CAMKMT: variants seen among roughly 807,000 people sequenced by gnomAD.
CAMKMT encodes calmodulin-lysine N-methyltransferase, also known as CaM KMT.
Under a neutral mutation model 48.0 loss-of-function variants are expected in CAMKMT, and 53 were observed. That is an observed-to-expected ratio of 1.10 (90% CI 0.89 to 1.39). The LOEUF (loss-of-function observed/expected upper bound fraction) is 1.39, where lower values mean the gene tolerates loss of function less well. Among genes scored for constraint, CAMKMT ranks in the 40% most tolerant of loss-of-function variants. CAMKMT has a pLI of 0.00. For missense variants in CAMKMT, 428 were observed against 402.7 expected (o/e 1.06, Z -0.54); for synonymous variants, 165 against 152.3 (o/e 1.08, Z -0.61).
At position 44,480,877 on chromosome 2, in the gene CAMKMT, A is replaced by G. The variant is rs1668932935; in HGVS notation, c.376+90572A>G. 3.3e-5 allele frequency among the ~76,000 whole-genome samples: 5 copies of G among 152,278 alleles called. No individual in the cohort carries two copies. The South Asian group carries it at 6.2e-4, about 19-fold the overall frequency. ...ACATACATATTTATATGTATTATAC[A>G]TATCATACATAGAGATGCATATATA... is the stretch of plus-strand genomic sequence containing the variant. On this transcript the variant is annotated intron_variant, in intron 3 of 10. Coordinates refer to ENST00000378494, the MANE Select transcript of CAMKMT (RefSeq NM_024766.5).
intron 7 of CAMKMT, among the ~76,000 whole-genome samples, chr2:44,739,041 T>C (rs1030250896): frequency 6.6e-6 from 1 of 151,168 alleles, no homozygotes; most frequent in African/African-American, 2.4e-5. Context: ...AGGAGGAGAG[T>C]AATAGTAGAT....
intron 3 of CAMKMT, among the ~76,000 whole-genome samples, chr2:44,535,470 A>G (rs1249668615): frequency 1.3e-5 from 2 of 152,230 alleles, no homozygotes; most frequent in African/African-American, 2.4e-5. Flanking sequence ...TCTGATGAAC[A>G]TAGGTGCAAA....
chr2:44,429,807 CAAAAAAAAA>C (rs1168195679), intron 3 of CAMKMT, among the ~76,000 whole-genome samples: 1 of 64,738 alleles, frequency 1.5e-5, no homozygotes, highest in Admixed American at 2.3e-4. Flanking sequence ...GACTCCGTCT[CAAAAAAAAA>C]AAAAAAAAAA....
chr2:44,587,514 C>T (rs1034109560), intron 3 of CAMKMT, among the ~76,000 whole-genome samples: 1 of 146,238 alleles, frequency 6.8e-6, no homozygotes, highest in South Asian at 2.3e-4. Flanking sequence ...CACGGTCTCC[C>T]TCTGATGCCG....
chr2:44,465,725 C>G (rs555490766), intron 3 of CAMKMT, among the ~76,000 whole-genome samples: 6 of 152,124 alleles, frequency 3.9e-5, no homozygotes, highest in African/African-American at 1.4e-4. Context: ...ACTTTAAACT[C>G]CTTAATCAAA....
intron 7 of CAMKMT, among the ~76,000 whole-genome samples, chr2:44,733,763 C>T (rs1331081558): frequency 6.6e-6 from 1 of 151,946 alleles, no homozygotes; most frequent in Non-Finnish European, 1.5e-5. Context: ...AATGTTAAAC[C>T]AACCTTCTTA....
At chr2:44,661,435 C>T (rs1226902340) in intron 3 of CAMKMT, among the ~76,000 whole-genome samples, 1 of 151,308 alleles carries the variant, frequency 6.6e-6, no homozygotes, top group Non-Finnish European at 1.5e-5. Context: ...CCCATCTCAG[C>T]CTCCTTAGCA....
chr2:44,539,000 G>GTA (rs1666941983), intron 3 of CAMKMT, among the ~76,000 whole-genome samples: 2 of 115,692 alleles, frequency 1.7e-5, no homozygotes, highest in Admixed American at 9.1e-5. Context: ...GTGTGTGTGT[G>GTA]TGTATGTATA....
rs1004402206 is a variant in CAMKMT at position 44,766,519 on chromosome 2, A to T, written c.852A>T (p.Arg284Ser). ...LAEKAGFCIQ[R>S]HENYDEHISN... ...AAAAAGCTGGTTTCTGTATCCAAAG[A>T]CATGAAAATTATGATGAACACATTT... The change falls in exon 10 of 11, where the codon AGA becomes AGT. Residue 284 changes from arginine to serine, a missense_variant. Arg to Ser is a moderately radical substitution (Grantham distance 110). Transcript: ENST00000378494. 6.2e-7 allele frequency: 1 copy of T among 1,614,192 alleles called. No individual in the cohort carries two copies. Among genetic ancestry groups the T allele is most frequent in the African/African-American group, 1.3e-5 (1 of 75,072 alleles).
intron 3 of CAMKMT, among the ~76,000 whole-genome samples, chr2:44,634,323 A>T (rs373386823): frequency 6.6e-6 from 1 of 151,452 alleles, no homozygotes; most frequent in Non-Finnish European, 1.5e-5. Context: ...GCTTGTAGTG[A>T]TCTTAAGTCT....
At chr2:44,626,151 T>C (rs1161345353) in intron 3 of CAMKMT, among the ~76,000 whole-genome samples, 1 of 152,190 alleles carries the variant, frequency 6.6e-6, no homozygotes, top group African/African-American at 2.4e-5. Context: ...TTTTGATCCA[T>C]AATAATGATA....
At chr2:44,439,650 A>C (rs1052576688) in intron 3 of CAMKMT, among the ~76,000 whole-genome samples, 2 of 152,036 alleles carry the variant, frequency 1.3e-5, no homozygotes, top group African/African-American at 4.8e-5. Flanking sequence ...CATCCTGGCT[A>C]ACACGGTGAA....
chr2:44,402,592 A>G (rs1233578244), intron 3 of CAMKMT, among the ~76,000 whole-genome samples: 2 of 151,770 alleles, frequency 1.3e-5, no homozygotes, highest in Non-Finnish European at 2.9e-5. Flanking sequence ...TTAGAAAGTC[A>G]TATTTTTCAG....
At chr2:44,440,013 C>G (rs991330415) in intron 3 of CAMKMT, among the ~76,000 whole-genome samples, 11 of 152,310 alleles carry the variant, frequency 7.2e-5, no homozygotes, top group Non-Finnish European at 1.6e-4. Context: ...TCTTTTCTGA[C>G]AGTGCCTCCA....
chr2:44,430,388 A>T (rs75134701), intron 3 of CAMKMT, among the ~76,000 whole-genome samples: 3 of 151,716 alleles, frequency 2.0e-5, no homozygotes, highest in Admixed American at 6.6e-5. Context: ...TTCATGTGTG[A>T]TGAAGTGAAA....
intron 3 of CAMKMT, among the ~76,000 whole-genome samples, chr2:44,509,383 C>T (rs1670424094): frequency 6.6e-6 from 1 of 151,954 alleles, no homozygotes; most frequent in Non-Finnish European, 1.5e-5. Context: ...CATCTTGGCT[C>T]ACTGCAACCT....
At chr2:44,663,414 C>G (rs1468399049) in intron 3 of CAMKMT, among the ~76,000 whole-genome samples, 1 of 152,178 alleles carries the variant, frequency 6.6e-6, no homozygotes, top group Non-Finnish European at 1.5e-5. Flanking sequence ...TCAAGCAAAA[C>G]CAAAACAAAT....
At chr2:44,609,938 G>T (rs1671507249) in intron 3 of CAMKMT, among the ~76,000 whole-genome samples, 1 of 152,174 alleles carries the variant, frequency 6.6e-6, no homozygotes, top group Non-Finnish European at 1.5e-5. Flanking sequence ...GTCTCTGTAA[G>T]ACTTTCATGA....
At chr2:44,488,727 CA>C (rs1159864272) in intron 3 of CAMKMT, among the ~76,000 whole-genome samples, 1 of 151,726 alleles carries the variant, frequency 6.6e-6, no homozygotes, top group Non-Finnish European at 1.5e-5. Context: ...AAACTCACCC[CA>C]AAAAACCCAA....
Sources: allele counts gnomAD v4.1 joint callset (sites outside exome capture counted in the v4.1 genomes callset), GRCh38; gene constraint gnomAD v4.1.1; transcripts MANE v1.5; gene names NCBI Gene and HGNC (gene_info 2026-07-23, HGNC 2026-07-21).